ACTR3B: variants seen among roughly 807,000 people sequenced by gnomAD.
ACTR3B encodes the protein actin-related protein 3B.
ACTR3B carries 8 observed loss-of-function variants against 59.0 expected under a neutral mutation model. That is an observed-to-expected ratio of 0.14 (90% CI 0.08 to 0.24). The LOEUF (loss-of-function observed/expected upper bound fraction) is 0.24, where lower values mean the gene tolerates loss of function less well. ACTR3B is among the 10% of genes least tolerant of loss of function. ACTR3B has a pLI of 1.00. For synonymous variants in ACTR3B, 148 were observed against 197.9 expected (o/e 0.75, Z 2.12); for missense variants, 245 against 552.3 (o/e 0.44, Z 5.58).
chr7:152,808,852 AT>A (rs1258459810), intron 4 of ACTR3B, among the ~76,000 whole-genome samples: 4 of 152,156 alleles, frequency 2.6e-5, no homozygotes, highest in Non-Finnish European at 5.9e-5. Flanking sequence ...GTTTACAAGT[AT>A]TAACTCATTT....
Position 152,814,573 on chromosome 7 carries a change from A to G in ACTR3B, c.360A>G (p.Pro120=), listed in dbSNP as rs1250362752. ...FLMTEPPLNT[P]ENREYLAEIM... ...AGACAGAACCTCCACTCAATACACC[A>G]GAAAACAGAGAGTATCTTGCAGAAA... The change falls in exon 5 of 12, where the codon CCA becomes CCG. Residue 120 remains proline (P), a synonymous_variant. Transcript: ENST00000256001. 4 of 1,613,066 alleles carry G rather than the reference A, an allele frequency of 2.5e-6. No homozygotes were observed. The highest frequency in any genetic ancestry group is 3.4e-6 in the Non-Finnish European group (4 of 1,179,412).
rs557651355 is a variant in ACTR3B at position 152,804,265 on chromosome 7, T to A, written c.336+2534T>A. Among the ~76,000 whole-genome samples the A allele has an allele frequency of 3.9e-5, 6 of 152,172 alleles. No individual in the cohort carries two copies. The East Asian group carries it at 1.2e-3, about 29-fold the overall frequency. On this transcript the variant is annotated intron_variant, in intron 4 of 11. Transcript: ENST00000256001. ...GTCAAAGAGATGCAGTGCTCTTGAGTGGAAACTGAATTAGAACTTCGGAAG... is the reference window on the plus strand; with the variant it reads ...GTCAAAGAGATGCAGTGCTCTTGAGAGGAAACTGAATTAGAACTTCGGAAG...
chr7:152,798,029 T>C (rs1307877047), intron 2 of ACTR3B, among the ~76,000 whole-genome samples: 1 of 152,174 alleles, frequency 6.6e-6, no homozygotes, highest in Admixed American at 6.5e-5. Flanking sequence ...CATACTGATT[T>C]CATTTCCTTT....
chr7:152,817,357 GCAA>G (rs1203294918), intron 6 of ACTR3B, among the ~76,000 whole-genome samples: 1 of 151,650 alleles, frequency 6.6e-6, no homozygotes, highest in African/African-American at 2.4e-5. Context: ...CCCCAGCTGG[GCAA>G]CAAGAGCGAA....
Position 152,784,136 on chromosome 7 carries a change from G to A in ACTR3B, c.100+894G>A, listed in dbSNP as rs1470506433. ...TTCCCTGGAACTATCTGTATTTCAG[G>A]TTATTATTTGGAAACAGTTTTCTAA... On this transcript the variant is annotated intron_variant, in intron 2 of 11. Transcript: ENST00000256001. Among the ~76,000 whole-genome samples the A allele has an allele frequency of 3.3e-5, 5 of 152,174 alleles. No homozygotes were observed. The East Asian group carries it at 7.7e-4, about 23-fold the overall frequency.
chr7:152,789,166 G>A (rs1218892218), intron 2 of ACTR3B, among the ~76,000 whole-genome samples: 1 of 151,846 alleles, frequency 6.6e-6, no homozygotes, highest in Non-Finnish European at 1.5e-5. Context: ...GAGGTGGGAG[G>A]ATTGCTTGAG....
At chr7:152,761,489 C>T (rs868166540) in intron 1 of ACTR3B, among the ~76,000 whole-genome samples, 16 of 152,044 alleles carry the variant, frequency 1.1e-4, no homozygotes, top group African/African-American at 3.6e-4. Flanking sequence ...ATTAGTAAGT[C>T]GTGGACCTTA....
At chr7:152,813,070 G>C (rs981513167) in intron 4 of ACTR3B, 3 of 88,086 alleles carry the variant, frequency 3.4e-5, no homozygotes, top group African/African-American at 8.5e-5. Context: ...ACTGATTTCT[G>C]GTGTCTCTTC....
rs773606495 is a variant in ACTR3B at position 152,854,433 on chromosome 7, T to C, written c.1162-25T>C. On this transcript the variant is annotated intron_variant, in intron 11 of 11. Coordinates refer to ENST00000256001, the MANE Select transcript of ACTR3B (RefSeq NM_020445.6). The surrounding 1 kb of genome is among the most constrained non-coding windows in gnomAD (Gnocchi z 4.9). Reference sequence around the variant, plus strand: ...GACTTTCTTCTGAAATGAGTGTCTTTCTGTCTGCCTGTTGCCTCTCGTAGC... The same window carrying C: ...GACTTTCTTCTGAAATGAGTGTCTTCCTGTCTGCCTGTTGCCTCTCGTAGC... 2.4e-5 allele frequency: 38 copies of C among 1,604,352 alleles called. No individual in the cohort carries two copies. The highest frequency in any genetic ancestry group is 3.2e-5 in the Non-Finnish European group (37 of 1,171,158).
At chr7:152,847,326 T>C (rs548460584) in intron 9 of ACTR3B, among the ~76,000 whole-genome samples, 1 of 152,356 alleles carries the variant, frequency 6.6e-6, no homozygotes, top group African/African-American at 2.4e-5. Flanking sequence ...GCCTGCTGAA[T>C]GCAGTGGGAT....
rs140185014 is a variant in ACTR3B, at chr7:152,817,984, G to T, written c.540+1396G>T. 2.0e-5 allele frequency among the ~76,000 whole-genome samples: 3 copies of T among 151,996 alleles called. No homozygotes were observed. The East Asian group carries it at 5.8e-4, about 29-fold the overall frequency. ...ACTCCTGGCTACGTGTCCTTCCTGT[G>T]GGGAGGAGAGGTGGCTGCCCTGCCC... On this transcript the variant is annotated intron_variant, in intron 6 of 11. Transcript: ENST00000256001.
At chr7:152,768,269 C>G (rs1172712555) in intron 1 of ACTR3B, among the ~76,000 whole-genome samples, 1 of 152,184 alleles carries the variant, frequency 6.6e-6, no homozygotes, top group Non-Finnish European at 1.5e-5. Context: ...ATTGTTTTAC[C>G]TCTTCCTTTC....
At chr7:152,822,352 C>G (rs1473585327) in intron 7 of ACTR3B, among the ~76,000 whole-genome samples, 1 of 152,230 alleles carries the variant, frequency 6.6e-6, no homozygotes, top group African/African-American at 2.4e-5. Context: ...CAGCAAGTAT[C>G]TGGGGGTCAC....
chr7:152,761,848 C>G (rs1268055190), intron 1 of ACTR3B, among the ~76,000 whole-genome samples: 1 of 152,104 alleles, frequency 6.6e-6, no homozygotes, highest in Non-Finnish European at 1.5e-5. Flanking sequence ...TAAAAATAAC[C>G]AAGCCAAAGG....
rs186912886 is a variant in ACTR3B at position 152,853,413 on chromosome 7, C to T, written c.1078-81C>T. 4,486 of 1,324,540 alleles carry T rather than the reference C, an allele frequency of 3.4e-3. 132 individuals carry two copies. In the African/African-American group the frequency reaches 0.058, roughly 17 times the overall value. The allele number at this position is 1,324,540 out of a possible 1,614,324, so 82.0% of individuals were successfully genotyped here. A position where few individuals can be genotyped will look rare whatever the true frequency, so the allele number is the denominator to read the frequency against. On this transcript the variant is annotated intron_variant, in intron 10 of 11. Coordinates refer to ENST00000256001, the MANE Select transcript of ACTR3B (RefSeq NM_020445.6). The stretch of plus-strand genomic sequence containing the variant: ...AAGAGGAGGGCGGCCCTGGGTGCAG[C>T]TGTGGTCTCGTCAGCCGGGGGATGA...
chr7:152,840,703 CTG>C (rs1458265565), intron 9 of ACTR3B, among the ~76,000 whole-genome samples: 2 of 101,642 alleles, frequency 2.0e-5, no homozygotes, highest in African/African-American at 7.4e-5. Context: ...TCCTTTTAGA[CTG>C]TATTCCACCC....
At chr7:152,849,735 A>G (rs1332816407) in intron 9 of ACTR3B, among the ~76,000 whole-genome samples, 1 of 152,254 alleles carries the variant, frequency 6.6e-6, no homozygotes, top group Non-Finnish European at 1.5e-5. Context: ...ACAGTCTTTC[A>G]CCTTAGCAAC....
rs180910954 is a variant in ACTR3B, at chr7:152,855,240, T to C, written c.*687T>C. On this transcript the variant is annotated 3_prime_UTR_variant, in exon 12 of 12. Coordinates refer to ENST00000256001, the MANE Select transcript of ACTR3B (RefSeq NM_020445.6). ...AGTAATGTATGAGAATTACTACAGA[T>C]ACATGTATCTTTTAGTTTTTTTTGT... 2.0e-5 allele frequency: 3 copies of C among 152,690 alleles called. No homozygotes were observed. The highest frequency in any genetic ancestry group is 7.2e-5 in the African/African-American group (3 of 41,584). 9.5% of individuals were successfully genotyped at this position (152,690 alleles called of 1,614,324 possible). A position where few individuals can be genotyped will look rare whatever the true frequency, so the allele number is the denominator to read the frequency against.
intron 10 of ACTR3B, 23 bp from the exon 11 acceptor site, chr7:152,853,471 G>T (rs766501739): frequency 1.2e-6 from 2 of 1,611,138 alleles, no homozygotes; most frequent in Non-Finnish European, 1.7e-6. Flanking sequence ...TGTGGGGTAA[G>T]TGAGAGCTGC....
Sources: gnomAD v4.1 joint callset for allele counts (sites outside exome capture counted in the v4.1 genomes callset) on GRCh38, gnomAD v4.1.1 for gene constraint, Gnocchi (gnomAD v3.1) non-coding constraint, MANE v1.5 for transcripts, NCBI Gene and HGNC (gene_info 2026-07-23, HGNC 2026-07-21) for gene names.